The following RBFOX1 variants were observed in gnomAD, a reference collection of about 807,000 sequenced individuals.
RBFOX1 encodes the protein RNA binding fox-1 homolog 1, also known as RNA binding protein fox-1 homolog 1.
RBFOX1 carries 8 observed loss-of-function variants against 57.7 expected under a neutral mutation model. That is an observed-to-expected ratio of 0.14 (90% confidence interval 0.08 to 0.25). RBFOX1 has a LOEUF of 0.25. Among genes scored for constraint, RBFOX1 ranks in the 10% least tolerant of loss-of-function variants. The pLI, the probability that RBFOX1 is intolerant of heterozygous loss-of-function variation, is 1.00. For synonymous variants in RBFOX1, 326 were observed against 222.4 expected (o/e 1.47, Z -4.15); for missense variants, 611 against 548.5 (o/e 1.11, Z -1.14).
chr16:6,919,793 T>A (rs1334393529), intron 3 of RBFOX1, among the ~76,000 whole-genome samples: 6 of 149,576 alleles, frequency 4.0e-5, no homozygotes, highest in African/African-American at 1.2e-4. Context: ...TTTTCATTAT[T>A]ATTATTTCAA....
intron 4 of RBFOX1, among the ~76,000 whole-genome samples, chr16:7,218,628 C>CTGTGTGTGTGTGTGTG (rs60333818): frequency 2.2e-4 from 28 of 127,480 alleles, no homozygotes; most frequent in Admixed American, 6.7e-4. Flanking sequence ...TGGGGGTTTG[C>CTGTGTGTGTGTGTGTG]TGTGTGTGTG....
intron 1 of RBFOX1, among the ~76,000 whole-genome samples, chr16:6,174,670 G>C (rs1478306781): frequency 6.6e-6 from 1 of 152,172 alleles, no homozygotes; most frequent in Non-Finnish European, 1.5e-5. Flanking sequence ...AAGAACTTCA[G>C]TGTTGTAGAT....
intron 2 of RBFOX1, among the ~76,000 whole-genome samples, chr16:5,524,792 C>T (rs1345080047): frequency 6.6e-6 from 1 of 152,050 alleles, no homozygotes; most frequent in East Asian, 1.9e-4. Flanking sequence ...CTTCCAGTCT[C>T]GGCCTCCCGA....
chr16:6,801,168 C>G (rs1411655420), intron 3 of RBFOX1, among the ~76,000 whole-genome samples: 1 of 143,778 alleles, frequency 7.0e-6, no homozygotes, highest in Non-Finnish European at 1.5e-5. Context: ...TTGGAACACA[C>G]TGTGAATGGC....
intron 14 of RBFOX1, among the ~76,000 whole-genome samples, chr16:7,695,432 T>A (rs1335182445): frequency 6.6e-6 from 1 of 151,984 alleles, no homozygotes; most frequent in African/African-American, 2.4e-5. Flanking sequence ...GGTGGGTGGA[T>A]CATGAGGGTC....
At chr16:6,246,850 C>A (rs996839342) in intron 1 of RBFOX1, among the ~76,000 whole-genome samples, 4 of 152,130 alleles carry the variant, frequency 2.6e-5, no homozygotes, top group Non-Finnish European at 5.9e-5. Flanking sequence ...GGGCGGATCA[C>A]CTGAGGTCAG....
chr16:7,151,421 A>G (rs2127065), intron 4 of RBFOX1, among the ~76,000 whole-genome samples: 3 of 151,880 alleles, frequency 2.0e-5, no homozygotes, highest in Non-Finnish European at 4.4e-5. Flanking sequence ...GGGTTAAACT[A>G]ATGTCACTAA....
chr16:6,221,438 C>G (rs2097372708), intron 1 of RBFOX1, among the ~76,000 whole-genome samples: 1 of 152,128 alleles, frequency 6.6e-6, no homozygotes, highest in African/African-American at 2.4e-5. Flanking sequence ...ACTTAGAGAG[C>G]CATGAGTAAA....
chr16:7,184,245 A>G (rs1206676240), intron 4 of RBFOX1, among the ~76,000 whole-genome samples: 7 of 152,212 alleles, frequency 4.6e-5, no homozygotes, highest in Admixed American at 4.6e-4. Context: ...CTTTGCTTAT[A>G]GCAAGGGGGT....
intron 4 of RBFOX1, among the ~76,000 whole-genome samples, chr16:7,338,579 G>A (rs1398949308): frequency 6.6e-6 from 1 of 152,098 alleles, no homozygotes; most frequent in African/African-American, 2.4e-5. Context: ...CTTTTGTAGA[G>A]ATGAGGTCTC....
At chr16:6,359,588 A>G (rs1197839582) in intron 2 of RBFOX1, among the ~76,000 whole-genome samples, 1 of 152,190 alleles carries the variant, frequency 6.6e-6, no homozygotes, top group East Asian at 1.9e-4. Context: ...CCACTGGTGT[A>G]TGGATACAGG....
intron 4 of RBFOX1, among the ~76,000 whole-genome samples, chr16:7,077,311 C>G (rs1215685806): frequency 6.6e-6 from 1 of 152,212 alleles, no homozygotes. Context: ...CCATGTGTAA[C>G]TGACCAAAGT....
intron 2 of RBFOX1, among the ~76,000 whole-genome samples, chr16:5,591,465 G>C (rs973484865): frequency 6.6e-6 from 1 of 151,982 alleles, no homozygotes; most frequent in African/African-American, 2.4e-5. Context: ...TGGCCAGGTT[G>C]GTCTCGTACT....
rs561399241 is a variant in RBFOX1 at position 7,176,551 on chromosome 16, A to G, written c.27+124453A>G. Among the ~76,000 whole-genome samples the G allele has an allele frequency of 9.4e-4, 143 of 152,264 alleles. 1 individual carries two copies. The highest frequency in any genetic ancestry group is 1.8e-3 in the Non-Finnish European group (120 of 68,020). On this transcript the variant is annotated intron_variant, in intron 4 of 15. Transcript: ENST00000550418. ...TACAGTTATAGTGGAACACAGCCAC[A>G]CCCCTTCATTTGCATATCGATTATG...
At chr16:6,020,084 A>C in intron 1 of RBFOX1, 92 bp downstream of exon 1, 1 of 1,304,274 alleles carries the variant, frequency 7.7e-7, no homozygotes, top group Non-Finnish European at 9.9e-7. Flanking sequence ...TAGGTCCCCG[A>C]GAACTGGCCT....
chr16:7,391,453 C>T (rs2098019288), intron 4 of RBFOX1, among the ~76,000 whole-genome samples: 2 of 152,224 alleles, frequency 1.3e-5, no homozygotes, highest in South Asian at 4.1e-4. Flanking sequence ...ATTTTCTCCA[C>T]ATCTGGACTT....
chr16:7,154,917 C>A (rs150737019), intron 4 of RBFOX1, among the ~76,000 whole-genome samples: 1 of 152,194 alleles, frequency 6.6e-6, no homozygotes, highest in East Asian at 1.9e-4. Flanking sequence ...TATAACTTTG[C>A]ATAATGAGTG....
intron 3 of RBFOX1, among the ~76,000 whole-genome samples, chr16:5,784,623 C>A (rs1332551223): frequency 6.6e-6 from 1 of 152,160 alleles, no homozygotes; most frequent in Non-Finnish European, 1.5e-5. Context: ...CATCTGGCCC[C>A]ACCTCCAGCC....
chr16:7,502,577 TTTTTGTTTGTTTGTTTG>T (rs1215662474), intron 4 of RBFOX1, among the ~76,000 whole-genome samples: 1 of 152,056 alleles, frequency 6.6e-6, no homozygotes, highest in African/African-American at 2.4e-5. Context: ...GGCATAAACT[TTTTTGTTTGTTTGTTTG>T]TTTTGTTTTT....
Sources: allele counts gnomAD v4.1 joint callset (sites outside exome capture counted in the v4.1 genomes callset), GRCh38; gene constraint gnomAD v4.1.1; transcripts MANE v1.5; gene names NCBI Gene and HGNC (gene_info 2026-07-23, HGNC 2026-07-21).